The following CERS6 variants were observed in gnomAD, a reference collection of about 807,000 sequenced individuals.
CERS6 encodes LAG1 homolog, ceramide synthase 6.
A neutral mutation model predicts 56.8 loss-of-function variants in CERS6; 26 were observed. The ratio of observed to expected loss-of-function variants is 0.46; its 90% CI spans 0.34 to 0.63. The LOEUF is 0.63. CERS6 is among the 30% of genes least tolerant of loss of function. The pLI is 0.01. For synonymous variants in CERS6, 164 were observed against 173.3 expected (o/e 0.95, Z 0.42); for missense variants, 415 against 467.5 (o/e 0.89, Z 1.04).
intron 6 of CERS6, among the ~76,000 whole-genome samples, chr2:168,702,426 GA>G (rs1222937186): frequency 1.3e-5 from 2 of 152,130 alleles, no homozygotes; most frequent in Admixed American, 6.5e-5. Flanking sequence ...TTGTTTCAAA[GA>G]AAGCAACTGA....
At chr2:168,537,704 C>T (rs1695290330) in intron 1 of CERS6, among the ~76,000 whole-genome samples, 1 of 152,194 alleles carries the variant, frequency 6.6e-6, no homozygotes, top group South Asian at 2.1e-4. Context: ...TTTATTTATA[C>T]TCACTTCCCA....
intron 4 of CERS6, among the ~76,000 whole-genome samples, chr2:168,657,435 C>T (rs949118584): frequency 8.5e-5 from 13 of 152,270 alleles, no homozygotes; most frequent in African/African-American, 2.9e-4. Context: ...GCGCCATGCG[C>T]TCGCATTCCT....
intron 3 of CERS6, among the ~76,000 whole-genome samples, chr2:168,567,769 A>G (rs1217441297): frequency 6.6e-6 from 1 of 152,202 alleles, no homozygotes; most frequent in South Asian, 2.1e-4. Context: ...AAAAATGTGA[A>G]TAGTTCTGTA....
chr2:168,575,847 C>G (rs1443048105), intron 3 of CERS6, among the ~76,000 whole-genome samples: 1 of 152,146 alleles, frequency 6.6e-6, no homozygotes, highest in African/African-American at 2.4e-5. Context: ...CTGCCCCAAC[C>G]TGGGATGCCC....
At chr2:168,550,789 C>T (rs188641521) in intron 2 of CERS6, among the ~76,000 whole-genome samples, 13 of 152,358 alleles carry the variant, frequency 8.5e-5, no homozygotes, top group Non-Finnish European at 1.2e-4. Flanking sequence ...TCAGCCCTAC[C>T]GAGTCGCCCA....
chr2:168,623,182 C>G (rs1467315509), intron 3 of CERS6, among the ~76,000 whole-genome samples: 2 of 152,154 alleles, frequency 1.3e-5, no homozygotes, highest in Non-Finnish European at 2.9e-5. Context: ...ACTTCAAGCC[C>G]ATTCCTCCCT....
At chr2:168,594,310 T>C (rs1223488286) in intron 3 of CERS6, among the ~76,000 whole-genome samples, 1 of 152,182 alleles carries the variant, frequency 6.6e-6, no homozygotes, top group Non-Finnish European at 1.5e-5. Flanking sequence ...GTTAAATTCA[T>C]TCATGGGTTC....
At chr2:168,467,256 A>G (rs1250817515) in intron 1 of CERS6, among the ~76,000 whole-genome samples, 1 of 152,250 alleles carries the variant, frequency 6.6e-6, no homozygotes, top group Non-Finnish European at 1.5e-5. Flanking sequence ...CAGCTAGTCT[A>G]AGTGGCTCTG....
At chr2:168,703,162 C>G (rs1406925488) in intron 6 of CERS6, among the ~76,000 whole-genome samples, 4 of 152,064 alleles carry the variant, frequency 2.6e-5, no homozygotes, top group African/African-American at 7.2e-5. Flanking sequence ...AGATATAGTC[C>G]TCATAAACAA....
intron 4 of CERS6, among the ~76,000 whole-genome samples, chr2:168,673,519 G>A (rs1346859463): frequency 6.6e-6 from 1 of 152,192 alleles, no homozygotes; most frequent in Non-Finnish European, 1.5e-5. Context: ...GGAGAAAAAT[G>A]GTGGTGGTGA....
chr2:168,757,877 G>A (rs1002779484), intron 8 of CERS6, among the ~76,000 whole-genome samples: 4 of 152,136 alleles, frequency 2.6e-5, no homozygotes, highest in South Asian at 2.1e-4. Flanking sequence ...AGCTACAGCC[G>A]GGGTGCAGTC....
intron 8 of CERS6, among the ~76,000 whole-genome samples, chr2:168,724,318 A>G (rs1204793825): frequency 6.6e-6 from 1 of 152,172 alleles, no homozygotes; most frequent in Admixed American, 6.5e-5. Context: ...GTTACAGCTC[A>G]TAAAAGCAGT....
chr2:168,730,726 A>G (rs1351420367), intron 8 of CERS6, among the ~76,000 whole-genome samples: 1 of 152,146 alleles, frequency 6.6e-6, no homozygotes, highest in Admixed American at 6.6e-5. Context: ...TTTTGAAAGG[A>G]CGGCATATAA....
chr2:168,765,899 A>C (rs1684719369), intron 9 of CERS6, 151 bp downstream of exon 9: 2 of 695,850 alleles, frequency 2.9e-6, no homozygotes, highest in Non-Finnish European at 4.7e-6. Context: ...TTTCTAGTTC[A>C]TTTTTTAAGT....
chr2:168,660,941 GA>G (rs1465892199), intron 4 of CERS6, among the ~76,000 whole-genome samples: 66 of 152,186 alleles, frequency 4.3e-4, no homozygotes, highest in Non-Finnish European at 7.9e-4. Flanking sequence ...GCATGATAAT[GA>G]GAAATGCCTC....
At chr2:168,535,580 G>A (rs1047314386) in intron 1 of CERS6, among the ~76,000 whole-genome samples, 1 of 151,528 alleles carries the variant, frequency 6.6e-6, no homozygotes, top group Admixed American at 6.6e-5. Context: ...GGATTCACAC[G>A]CTTACTATGG....
At chr2:168,553,595 A>G (rs1695616162) in intron 2 of CERS6, among the ~76,000 whole-genome samples, 1 of 152,172 alleles carries the variant, frequency 6.6e-6, no homozygotes, top group South Asian at 2.1e-4. Flanking sequence ...AATTGTTTTT[A>G]CTCTGTAAAG....
chr2:168,758,430 GT>G (rs1204369475), intron 8 of CERS6, among the ~76,000 whole-genome samples: 3 of 152,136 alleles, frequency 2.0e-5, no homozygotes, highest in East Asian at 3.9e-4. Flanking sequence ...ATTATTGTGG[GT>G]TTTTTTAGAG....
intron 8 of CERS6, among the ~76,000 whole-genome samples, chr2:168,740,727 C>G (rs1163492705): frequency 6.6e-6 from 1 of 152,198 alleles, no homozygotes; most frequent in Non-Finnish European, 1.5e-5. Flanking sequence ...TTTAAATACA[C>G]ATATTCTAGA....
Sources: gnomAD v4.1 joint callset for allele counts (sites outside exome capture counted in the v4.1 genomes callset) on GRCh38, gnomAD v4.1.1 for gene constraint, MANE v1.5 for transcripts, NCBI Gene and HGNC (gene_info 2026-07-23, HGNC 2026-07-21) for gene names.